CLEC9A: variants seen among roughly 807,000 people sequenced by gnomAD.
The protein encoded by CLEC9A is C-type lectin domain family 9 member A.
Under a neutral mutation model 30.0 loss-of-function variants are expected in CLEC9A, and 24 were observed. The observed-to-expected ratio is 0.80, with a 90% confidence interval of 0.58 to 1.13. CLEC9A has a LOEUF of 1.13. Among genes scored for constraint, CLEC9A ranks in the 50% most tolerant of loss-of-function variants. The probability of loss-of-function intolerance (pLI) is 0.00; values close to 1 mark genes in which losing one functional copy is unlikely to be tolerated. For synonymous variants in CLEC9A, 111 were observed against 96.8 expected (o/e 1.15, Z -0.86); for missense variants, 251 against 280.9 (o/e 0.89, Z 0.76).
chr12:10,062,596 T>C (rs1441359063), intron 6 of CLEC9A, among the ~76,000 whole-genome samples: 1 of 152,340 alleles, frequency 6.6e-6, no homozygotes, highest in East Asian at 1.9e-4. Flanking sequence ...ATCTATAAAA[T>C]ATTTCCTTGT....
chr12:10,053,672 A>G (rs1158469756), intron 4 of CLEC9A, among the ~76,000 whole-genome samples: 3 of 152,332 alleles, frequency 2.0e-5, no homozygotes, highest in East Asian at 3.9e-4. Context: ...TTCTCTGCCT[A>G]TCACAATATT....
At chr12:10,040,345 C>T (rs776448833) in intron 1 of CLEC9A, among the ~76,000 whole-genome samples, 1 of 151,966 alleles carries the variant, frequency 6.6e-6, no homozygotes, top group Non-Finnish European at 1.5e-5. Context: ...CTTATTAACC[C>T]TCAGGTGTCA....
At chr12:10,035,666 T>C (rs1258940775) in intron 1 of CLEC9A, among the ~76,000 whole-genome samples, 1 of 152,196 alleles carries the variant, frequency 6.6e-6, no homozygotes, top group Non-Finnish European at 1.5e-5. Flanking sequence ...TGGACTGCAG[T>C]GGCAAGATCC....
At position 10,045,974 on chromosome 12, in the gene CLEC9A, G is replaced by T. The variant is rs916262110; in HGVS notation, c.-163+4354G>T. 7.9e-5 allele frequency among the ~76,000 whole-genome samples: 12 copies of T among 152,222 alleles called. No individual in the cohort carries two copies. In the South Asian group the frequency reaches 1.9e-3, roughly 24 times the overall value. On this transcript the variant is annotated intron_variant, in intron 2 of 8. Transcript: ENST00000355819. The stretch of plus-strand genomic sequence containing the variant: ...ATATAGATTAGTGCTTAATTAAGTT[G>T]GGCAAAATATCGAAGCTTAAAATGT...
chr12:10,058,912 T>C (rs1301797562), intron 5 of CLEC9A, among the ~76,000 whole-genome samples: 2 of 152,192 alleles, frequency 1.3e-5, no homozygotes, highest in Non-Finnish European at 2.9e-5. Flanking sequence ...AATATGAAAA[T>C]AATTTTACAG....
intron 1 of CLEC9A, among the ~76,000 whole-genome samples, chr12:10,040,345 C>A (rs776448833): frequency 1.3e-5 from 2 of 151,966 alleles, no homozygotes; most frequent in South Asian, 2.1e-4. Flanking sequence ...CTTATTAACC[C>A]TCAGGTGTCA....
chr12:10,046,954 A>C (rs1317826323), intron 2 of CLEC9A, among the ~76,000 whole-genome samples: 1 of 152,242 alleles, frequency 6.6e-6, no homozygotes, highest in African/African-American at 2.4e-5. Flanking sequence ...AACCTCATTT[A>C]ATATGACTAT....
rs951957001 is a variant in CLEC9A at position 10,054,377 on chromosome 12, A to G, written c.172+26A>G. The G allele has an allele frequency of 4.8e-6, 7 of 1,447,196 alleles. No individual in the cohort carries two copies. The African/African-American group carries it at 9.8e-5, about 20-fold the overall frequency. The allele number at this position is 1,447,196 out of a possible 1,614,324, so 89.6% of individuals were successfully genotyped here. ...GTAAGTACTAAAAGATATTTTCAAA[A>G]TATGTATATCGTTATATATAAAACT... is the stretch of plus-strand genomic sequence containing the variant. On this transcript the variant is annotated intron_variant, in intron 5 of 8. Transcript: ENST00000355819.
chr12:10,047,342 T>C (rs1865855590), intron 2 of CLEC9A, among the ~76,000 whole-genome samples: 5 of 152,198 alleles, frequency 3.3e-5, no homozygotes, highest in Admixed American at 2.0e-4. Context: ...ACACATAAAT[T>C]TAGAAGGATA....
chr12:10,038,082 G>A (rs1865758703), intron 1 of CLEC9A, among the ~76,000 whole-genome samples: 1 of 152,200 alleles, frequency 6.6e-6, no homozygotes, highest in African/African-American at 2.4e-5. Context: ...GCTTACGACT[G>A]GGAACCACTG....
chr12:10,059,404 A>G (rs1475210361), intron 5 of CLEC9A, among the ~76,000 whole-genome samples: 1 of 152,260 alleles, frequency 6.6e-6, no homozygotes, highest in Non-Finnish European at 1.5e-5. Flanking sequence ...ACCTTACACA[A>G]AAATTAAAAG....
intron 2 of CLEC9A, among the ~76,000 whole-genome samples, chr12:10,046,001 T>C (rs1429024040): frequency 6.6e-6 from 1 of 152,244 alleles, no homozygotes; most frequent in East Asian, 1.9e-4. Context: ...TTAAAATGTG[T>C]GCAGAATATC....
At chr12:10,033,044 T>C (rs1865713810) in intron 1 of CLEC9A, among the ~76,000 whole-genome samples, 1 of 152,046 alleles carries the variant, frequency 6.6e-6, no homozygotes, top group African/African-American at 2.4e-5. Flanking sequence ...TGAACACATC[T>C]AATGGCTAGT....
chr12:10,053,340 G>C (rs1461682367), intron 4 of CLEC9A, among the ~76,000 whole-genome samples: 1 of 152,190 alleles, frequency 6.6e-6, no homozygotes, highest in African/African-American at 2.4e-5. Flanking sequence ...AAACCAAGGT[G>C]TTGGCAGGGA....
intron 1 of CLEC9A, among the ~76,000 whole-genome samples, chr12:10,036,872 A>G (rs186036187): frequency 4.0e-4 from 61 of 152,348 alleles, no homozygotes; most frequent in African/African-American, 1.4e-3. Flanking sequence ...AATCAGGATG[A>G]TAATGCCCGT....
At chr12:10,032,926 T>G (rs1865712855) in intron 1 of CLEC9A, among the ~76,000 whole-genome samples, 2 of 152,138 alleles carry the variant, frequency 1.3e-5, no homozygotes, top group South Asian at 4.1e-4. Flanking sequence ...TGTTCAAAAA[T>G]CTCTCTGTGC....
rs757672771 is a variant in CLEC9A at position 10,065,458 on chromosome 12, A to G, written c.594-42A>G. On this transcript the variant is annotated intron_variant, in intron 8 of 8. Transcript: ENST00000355819. ...AGTTACCCTCAGGAGCATTTCTGAA[A>G]CTCCCAAGTCTAACCTCAGAAATGT... 3 of 1,609,498 alleles carry G rather than the reference A, an allele frequency of 1.9e-6. No individual in the cohort carries two copies. The South Asian group carries it at 3.3e-5, about 18-fold the overall frequency.
intron 1 of CLEC9A, 71 bp downstream of exon 1, chr12:10,031,043 C>A (rs1485612894): frequency 6.6e-6 from 1 of 151,950 alleles, no homozygotes; most frequent in Non-Finnish European, 1.5e-5. Context: ...GTCATCTGAA[C>A]CTACTTTATA....
intron 2 of CLEC9A, chr12:10,043,112 CTTT>C: frequency 4.1e-6 from 1 of 241,310 alleles, no homozygotes; most frequent in Non-Finnish European, 8.3e-6. Flanking sequence ...TGTAATCCAA[CTTT>C]TTTTTTTGTC....
Sources: allele counts gnomAD v4.1 joint callset (sites outside exome capture counted in the v4.1 genomes callset), GRCh38; gene constraint gnomAD v4.1.1; transcripts MANE v1.5; gene names NCBI Gene and HGNC (gene_info 2026-07-23, HGNC 2026-07-21).